The following LRRC19 variants were observed in gnomAD, a reference collection of about 807,000 sequenced individuals.
LRRC19 encodes the protein leucine rich repeat containing 19, also known as leucine-rich repeat-containing protein 19.
In LRRC19, 33 loss-of-function variants were observed where a neutral mutation model predicts 33.3. The observed-to-expected ratio is 0.99, with a 90% CI of 0.75 to 1.33. LRRC19 has a LOEUF of 1.33. Ranked by LOEUF, LRRC19 falls within the 40% of genes most tolerant of loss-of-function variation. The pLI, the probability that LRRC19 is intolerant of heterozygous loss-of-function variation, is 0.00. For missense variants in LRRC19, 463 were observed against 417.3 expected, an observed-to-expected ratio of 1.11 and a Z score of -0.95; for synonymous variants, 184 against 152.3, an observed-to-expected ratio of 1.21 and a Z score of -1.53.
intron 3 of LRRC19, among the ~76,000 whole-genome samples, chr9:26,996,953 G>A (rs1408242018): frequency 1.3e-5 from 2 of 152,180 alleles, no homozygotes; most frequent in Non-Finnish European, 2.9e-5. Flanking sequence ...GCTCATGCCT[G>A]TAATCCCAGC....
chr9:26,996,509 C>G lies in LRRC19; in HGVS notation c.596-10G>C. ...GTGATGTTCTCATTTTCTAGTAAAT[C>G]AGAAAGAATAAGATTTAGTATAGAG... On this transcript the variant is annotated splice_polypyrimidine_tract_variant and intron_variant, in intron 3 of 4. Transcript: ENST00000380055. 7.1e-7 allele frequency: 1 copy of G among 1,414,024 alleles called. No individual in the cohort carries two copies. The highest frequency in any genetic ancestry group is 1.8e-5 in the South Asian group (1 of 54,234). The allele number at this position is 1,414,024 out of a possible 1,614,324, so 87.6% of individuals were successfully genotyped here. A position where few individuals can be genotyped will look rare whatever the true frequency, so the allele number is the denominator to read the frequency against.
Position 26,996,468 on chromosome 9 carries a change from G to A in LRRC19, c.627C>T (p.Pro209=), listed in dbSNP as rs1450955980. 3 of 1,528,158 alleles carry A rather than the reference G, an allele frequency of 2.0e-6. No homozygotes were observed. Among genetic ancestry groups the A allele is most frequent in the Non-Finnish European group, 2.7e-6 (3 of 1,129,142 alleles). The allele number at this position is 1,528,158 out of a possible 1,614,324, so 94.7% of individuals were successfully genotyped here. The change falls in exon 4 of 5, where the codon CCC becomes CCT. Residue 209 remains proline, a synonymous_variant. Coordinates refer to ENST00000380055, the MANE Select transcript of LRRC19 (RefSeq NM_022901.3). ...TGATATTGTAGCTCTGCAGGCTGTT[G>A]GGGTAGCTACACATGGTGATGTTCT... The part of the protein sequence containing the change: ...ENENITMCSY[P]NSLQSYNIKT...
chr9:26,994,221 G>A lies in LRRC19; in HGVS notation c.*1300C>T, dbSNP rs991748275. 1.3e-5 allele frequency: 2 copies of A among 152,118 alleles called. No homozygotes were observed. Among genetic ancestry groups the A allele is most frequent in the Non-Finnish European group, 2.9e-5 (2 of 68,026 alleles). 9.4% of individuals were successfully genotyped at this position (152,118 alleles called of 1,614,324 possible). A position where few individuals can be genotyped will look rare whatever the true frequency, so the allele number is the denominator to read the frequency against. On this transcript the variant is annotated 3_prime_UTR_variant, in exon 5 of 5. Transcript: ENST00000380055. Reference sequence around the variant, plus strand: ...AATAATCAGAGAGCAGTTTAGCTTAGTAAAGTTTTACATAAATCCTATTGT... The same window carrying A: ...AATAATCAGAGAGCAGTTTAGCTTAATAAAGTTTTACATAAATCCTATTGT...
chr9:26,997,946 A>G lies in LRRC19; in HGVS notation c.377T>C (p.Leu126Ser). ...TTCTATTTTGTTTTGGCAGAGATAT[A>G]ACTGTTTTAGTTTATTTAAGCCTAA... ...AFLGLNKLKQ[L>S]YLCQNKIEQL... The change falls in exon 3 of 5, where the codon TTA becomes TCA. Residue 126 changes from leucine to serine, a missense_variant. Transcript: ENST00000380055. 6.2e-7 allele frequency: 1 copy of G among 1,613,944 alleles called. No individual in the cohort carries two copies. Among genetic ancestry groups the G allele is most frequent in the African/African-American group, 1.3e-5 (1 of 75,004 alleles).
chr9:26,996,218 C>A, intron 4 of LRRC19, 93 bp downstream of exon 4: 1 of 809,110 alleles, frequency 1.2e-6, no homozygotes, highest in Non-Finnish European at 1.8e-6. Context: ...CTTTCTTTTA[C>A]ATTTTTTATA....
In LRRC19 at chr9:26,998,251, C is replaced by T. The variant is rs12350899; in HGVS notation, c.82-10G>A. ...AATTACATTGGACTTCCTAGAAAAA[C>T]AAAAAAAAGAAAGGCATTAATCAGA... On this transcript the variant is annotated splice_polypyrimidine_tract_variant and intron_variant, in intron 2 of 4. Coordinates refer to ENST00000380055, the MANE Select transcript of LRRC19 (RefSeq NM_022901.3). The T allele has an allele frequency of 5.2e-3, 7,026 of 1,363,694 alleles. 308 individuals are homozygous for T. The African/African-American group carries it at 0.093, about 18-fold the overall frequency. The allele number at this position is 1,363,694 out of a possible 1,614,324, so 84.5% of individuals were successfully genotyped here. A position where few individuals can be genotyped will look rare whatever the true frequency, so the allele number is the denominator to read the frequency against.
chr9:26,999,291 T>A (rs1302452233), intron 2 of LRRC19, among the ~76,000 whole-genome samples: 1 of 152,172 alleles, frequency 6.6e-6, no homozygotes, highest in Admixed American at 6.6e-5. Flanking sequence ...CAATAATAAT[T>A]CAATAGCAGT....
In LRRC19 at chr9:26,998,043, C is replaced by CA; in HGVS notation, c.279dup (p.Gly94TrpfsTer2). ...AAAATTTCTAGACTGGAGAGGTTAC[C>CA]AAAACCGTTATTATGTAAGATAGTA... is the stretch of plus-strand genomic sequence containing the variant. On this transcript the variant is annotated frameshift_variant, in exon 3 of 5. Transcript: ENST00000380055. LOFTEE classifies it high-confidence loss of function. 1 of 1,613,490 alleles carries CA rather than the reference C, an allele frequency of 6.2e-7. No individual in the cohort carries two copies. The highest frequency in any genetic ancestry group is 8.5e-7 in the Non-Finnish European group (1 of 1,179,676).
intron 3 of LRRC19, among the ~76,000 whole-genome samples, chr9:26,997,145 G>T (rs1319176122): frequency 6.6e-6 from 1 of 151,660 alleles, no homozygotes; most frequent in Non-Finnish European, 1.5e-5. Context: ...CTGGGAGGCG[G>T]AGGTTGTGGT....
At chr9:27,002,079 C>T (rs1828528222) in intron 1 of LRRC19, among the ~76,000 whole-genome samples, 1 of 151,978 alleles carries the variant, frequency 6.6e-6, no homozygotes, top group Non-Finnish European at 1.5e-5. Flanking sequence ...TCTTACATGG[C>T]TAGAGAAGGA....
chr9:26,998,680 G>T (rs1208592201), intron 2 of LRRC19, among the ~76,000 whole-genome samples: 1 of 152,004 alleles, frequency 6.6e-6, no homozygotes, highest in African/African-American at 2.4e-5. Flanking sequence ...TATACCTAGG[G>T]CTGTTCAATA....
At position 26,999,717 on chromosome 9, in the gene LRRC19, G is replaced by A; in HGVS notation, c.-9-14C>T. ...CATGTTGCAGACCTGATAGAAAAGA[G>A]AGTATTTTCATTAAGGACATTTTTA... On this transcript the variant is annotated splice_polypyrimidine_tract_variant and intron_variant, in intron 1 of 4. Transcript: ENST00000380055. 1 of 1,455,252 alleles carries A rather than the reference G, an allele frequency of 6.9e-7. No homozygotes were observed. The highest frequency in any genetic ancestry group is 9.4e-7 in the Non-Finnish European group (1 of 1,065,148). The allele number at this position is 1,455,252 out of a possible 1,614,324, so 90.1% of individuals were successfully genotyped here. A position where few individuals can be genotyped will look rare whatever the true frequency, so the allele number is the denominator to read the frequency against.
Position 26,999,676 on chromosome 9 carries a change from T to C in LRRC19, c.19A>G (p.Thr7Ala), listed in dbSNP as rs759740025. 2.4e-5 allele frequency: 38 copies of C among 1,609,820 alleles called. No homozygotes were observed. In the South Asian group the frequency reaches 4.1e-4, roughly 17 times the overall value. Residue 7 changes from threonine (T) to alanine (A), a missense_variant, in exon 2 of 5, where the codon ACA becomes GCA. Transcript: ENST00000380055. Reference sequence around the variant, plus strand: ...ATGGAGAGGGGCCAAAAGAGGATTGTGATGCCTGTGACTTTCATGTTGCAG... The same window carrying C: ...ATGGAGAGGGGCCAAAAGAGGATTGCGATGCCTGTGACTTTCATGTTGCAG... MKVTGI[T>A]ILFWPLSMIL...
chr9:26,997,600 A>C, intron 3 of LRRC19, 128 bp downstream of exon 3: 104 of 973,308 alleles, frequency 1.1e-4, no homozygotes, highest in South Asian at 3.8e-4. Context: ...TCCCATAGTG[A>C]TGGGATTACA....
In LRRC19 at chr9:26,997,976, G is replaced by C; in HGVS notation, c.347C>G (p.Ala116Gly). The C allele has an allele frequency of 3.1e-6, 5 of 1,613,882 alleles. No individual in the cohort carries two copies. Among genetic ancestry groups the C allele is most frequent in the Non-Finnish European group, 4.2e-6 (5 of 1,179,936 alleles). Residue 116 changes from alanine to glycine, a missense_variant, in exon 3 of 5, where the codon GCA (alanine) becomes GGA (glycine). Physicochemically the swap from Ala to Gly is moderately conservative, Grantham distance 60. Transcript: ENST00000380055. ...RNSIYVIQQG[A>G]FLGLNKLKQL... ...TTTTAGTTTATTTAAGCCTAAAAAT[G>C]CACCCTGTTGAATTACATAGATGGA...
rs200749160 is a variant in LRRC19 at position 26,995,517 on chromosome 9, G to T, written c.*4C>A. On this transcript the variant is annotated 3_prime_UTR_variant, in exon 5 of 5. Transcript: ENST00000380055. ...TTGCTTTAAAAAGCAAACTTTGAAA[G>T]AAATTAATTTTCTTCACATAATTCA... The T allele has an allele frequency of 1.3e-6, 2 of 1,509,244 alleles. No homozygotes were observed. The highest frequency in any genetic ancestry group is 4.6e-5 in the East Asian group (2 of 43,028). The allele number at this position is 1,509,244 out of a possible 1,614,324, so 93.5% of individuals were successfully genotyped here.
Position 26,997,893 on chromosome 9 carries a change from GA to G in LRRC19, c.429del (p.Leu144Ter). ...AGATTCAGAAGTTTTAGGCTTCTTA[GA>G]GGCACAAATACATCAGCATTCAGTT... ...IEQLNADVFVPLRSLKLLNLQ... is the reference protein window; with the variant it reads ...IEQLNADVFVXLRSLKLLNLQ... On this transcript the variant is annotated frameshift_variant, in exon 3 of 5. Coordinates refer to ENST00000380055, the MANE Select transcript of LRRC19 (RefSeq NM_022901.3). LOFTEE classifies it high-confidence loss of function. 6.2e-7 allele frequency: 1 copy of G among 1,614,148 alleles called. No homozygotes were observed. Among genetic ancestry groups the G allele is most frequent in the Non-Finnish European group, 8.5e-7 (1 of 1,180,016 alleles).
chr9:27,003,893 G>C (rs1294766939), intron 1 of LRRC19, among the ~76,000 whole-genome samples: 1 of 152,194 alleles, frequency 6.6e-6, no homozygotes. Flanking sequence ...TATGTTTAAT[G>C]ATTTATAGGA....
rs762764996 is a variant in LRRC19, at chr9:26,997,940, A to C, written c.383T>G (p.Leu128Arg). 1.2e-6 allele frequency: 2 copies of C among 1,613,942 alleles called. No homozygotes were observed. The highest frequency in any genetic ancestry group is 1.7e-6 in the Non-Finnish European group (2 of 1,179,972). The stretch of plus-strand genomic sequence containing the variant: ...CAGTTGTTCTATTTTGTTTTGGCAG[A>C]GATATAACTGTTTTAGTTTATTTAA... ...LGLNKLKQLY[L>R]CQNKIEQLNA... The change falls in exon 3 of 5, where the codon CTC becomes CGC. Residue 128 changes from leucine (L) to arginine (R), a missense_variant. Transcript: ENST00000380055.
Sources: allele counts gnomAD v4.1 joint callset (sites outside exome capture counted in the v4.1 genomes callset), GRCh38; gene constraint gnomAD v4.1.1; transcripts MANE v1.5; gene names NCBI Gene and HGNC (gene_info 2026-07-23, HGNC 2026-07-21).